Variants in PELI2 observed in about 807,000 individuals in gnomAD.
The protein encoded by PELI2 is E3 ubiquitin-protein ligase pellino homolog 2.
Under a neutral mutation model 42.3 loss-of-function variants are expected in PELI2, and 23 were observed. That is an observed-to-expected ratio of 0.54 (90% confidence interval 0.39 to 0.77). The LOEUF is 0.77. Ranked by LOEUF, PELI2 falls within the 30% of genes least tolerant of loss-of-function variation. The probability of loss-of-function intolerance (pLI) is 0.00; values close to 1 mark genes in which losing one functional copy is unlikely to be tolerated. For missense variants in PELI2, 463 were observed against 553.2 expected (o/e 0.84, Z 1.64); for synonymous variants, 245 against 212.2 (o/e 1.15, Z -1.34).
At chr14:56,295,214 C>T (rs1889959168) in intron 5 of PELI2, among the ~76,000 whole-genome samples, 1 of 152,142 alleles carries the variant, frequency 6.6e-6, no homozygotes, top group Non-Finnish European at 1.5e-5. Flanking sequence ...CTTTACCCCT[C>T]CAACCCACCC....
chr14:56,246,597 A>T (rs921754278), intron 2 of PELI2, among the ~76,000 whole-genome samples: 1 of 152,160 alleles, frequency 6.6e-6, no homozygotes, highest in Admixed American at 6.5e-5. Context: ...TTCTCTGTTA[A>T]AAGCAGTGTT....
chr14:56,233,367 A>G (rs1224008248), intron 2 of PELI2, among the ~76,000 whole-genome samples: 1 of 152,252 alleles, frequency 6.6e-6, no homozygotes, highest in Non-Finnish European at 1.5e-5. Context: ...CTACAAGTTT[A>G]CAGTAACCAA....
intron 1 of PELI2, among the ~76,000 whole-genome samples, chr14:56,167,770 C>CT (rs1358930880): frequency 9.2e-5 from 14 of 152,182 alleles, no homozygotes; most frequent in Admixed American, 9.2e-4. Context: ...AAATTAGGTA[C>CT]TTACTGTAGT....
At chr14:56,234,647 T>C (rs1887717378) in intron 2 of PELI2, among the ~76,000 whole-genome samples, 1 of 152,180 alleles carries the variant, frequency 6.6e-6, no homozygotes, top group South Asian at 2.1e-4. Context: ...GTATACCTAA[T>C]GTAAATGATG....
intron 1 of PELI2, among the ~76,000 whole-genome samples, chr14:56,119,385 G>A (rs1004838424): frequency 1.8e-4 from 28 of 151,882 alleles, no homozygotes; most frequent in Non-Finnish European, 1.5e-5. Context: ...TCCCCGCTTG[G>A]AGTGCTCTGG....
intron 1 of PELI2, among the ~76,000 whole-genome samples, chr14:56,129,910 A>G (rs1211245127): frequency 6.6e-6 from 1 of 152,136 alleles, no homozygotes; most frequent in East Asian, 1.9e-4. Context: ...GTGGTCTTGG[A>G]TCACTGAGGG....
At chr14:56,269,449 G>GA (rs10718139) in intron 2 of PELI2, among the ~76,000 whole-genome samples, 145 of 146,806 alleles carry the variant, frequency 9.9e-4, no homozygotes, top group African/African-American at 2.7e-3. Context: ...TCTCAAAAAA[G>GA]AAAAAAAAAA....
intron 2 of PELI2, among the ~76,000 whole-genome samples, chr14:56,226,982 G>A (rs1221889374): frequency 6.6e-6 from 1 of 152,154 alleles, no homozygotes; most frequent in Non-Finnish European, 1.5e-5. Context: ...AAGGCCCCCA[G>A]GGCTCTAAAA....
intron 2 of PELI2, among the ~76,000 whole-genome samples, chr14:56,254,943 C>G (rs1230829813): frequency 1.3e-5 from 2 of 152,190 alleles, no homozygotes; most frequent in African/African-American, 4.8e-5. Context: ...GAGATACCAT[C>G]TCACACCAGT....
chr14:56,212,783 C>T (rs1420452875), intron 2 of PELI2, among the ~76,000 whole-genome samples: 2 of 152,170 alleles, frequency 1.3e-5, no homozygotes, highest in Non-Finnish European at 2.9e-5. Flanking sequence ...GAGGCTGGGC[C>T]AGGACAGGGG....
intron 2 of PELI2, among the ~76,000 whole-genome samples, chr14:56,254,931 A>G (rs1011236925): frequency 1.3e-5 from 2 of 152,236 alleles, no homozygotes; most frequent in Non-Finnish European, 2.9e-5. Flanking sequence ...CAAAACCACA[A>G]TGAGATACCA....
At chr14:56,157,347 A>G (rs1677253444) in intron 1 of PELI2, among the ~76,000 whole-genome samples, 1 of 152,156 alleles carries the variant, frequency 6.6e-6, no homozygotes, top group Non-Finnish European at 1.5e-5. Flanking sequence ...TATTTCTAAT[A>G]TTTTCTAATC....
At chr14:56,149,730 C>A (rs1185978732) in intron 1 of PELI2, among the ~76,000 whole-genome samples, 4 of 152,004 alleles carry the variant, frequency 2.6e-5, no homozygotes, top group Non-Finnish European at 5.9e-5. Context: ...TTTGCAGCAT[C>A]TCTGAAAAAT....
chr14:56,205,116 C>T (rs953681060), intron 2 of PELI2, among the ~76,000 whole-genome samples: 45 of 151,804 alleles, frequency 3.0e-4, no homozygotes, highest in African/African-American at 1.0e-3. Flanking sequence ...GAAGAGAGGA[C>T]TGAGAAGCCT....
chr14:56,191,174 C>T (rs566564780), intron 2 of PELI2, among the ~76,000 whole-genome samples: 1 of 152,160 alleles, frequency 6.6e-6, no homozygotes, highest in Non-Finnish European at 1.5e-5. Flanking sequence ...GCAGGACCCA[C>T]TCTTATAGGC....
intron 2 of PELI2, among the ~76,000 whole-genome samples, chr14:56,276,684 C>G (rs1889302441): frequency 6.6e-6 from 1 of 152,206 alleles, no homozygotes; most frequent in Admixed American, 6.5e-5. Flanking sequence ...TCTTTTCCCA[C>G]TTTCATACCT....
chr14:56,125,883 T>C (rs1284080234), intron 1 of PELI2, among the ~76,000 whole-genome samples: 1 of 151,928 alleles, frequency 6.6e-6, no homozygotes, highest in Non-Finnish European at 1.5e-5. Context: ...CTTGGAGAAA[T>C]GGATTTCTGT....
chr14:56,173,800 A>G (rs569918545), intron 1 of PELI2, among the ~76,000 whole-genome samples: 16 of 152,306 alleles, frequency 1.1e-4, no homozygotes, highest in South Asian at 8.3e-4. Flanking sequence ...TTTAGGACCT[A>G]TCGACCTAAC....
chr14:56,120,016 A>T (rs923595532), intron 1 of PELI2, among the ~76,000 whole-genome samples: 1 of 152,208 alleles, frequency 6.6e-6, no homozygotes, highest in African/African-American at 2.4e-5. Flanking sequence ...GACACCGCAC[A>T]ACTCAAAGCT....
Sources: gnomAD v4.1 joint callset for allele counts (sites outside exome capture counted in the v4.1 genomes callset) on GRCh38, gnomAD v4.1.1 for gene constraint, MANE v1.5 for transcripts, NCBI Gene and HGNC (gene_info 2026-07-23, HGNC 2026-07-21) for gene names.